The following ZNF704 variants were observed in gnomAD, a reference collection of about 807,000 sequenced individuals.
ZNF704 encodes the protein zinc finger protein 704, also known as glucocorticoid induced gene 1.
A neutral mutation model predicts 44.7 loss-of-function variants in ZNF704; 10 were observed. That is an observed-to-expected ratio of 0.22 (90% confidence interval 0.14 to 0.38). The LOEUF (loss-of-function observed/expected upper bound fraction) is 0.38, where lower values mean the gene tolerates loss of function less well. Among genes scored for constraint, ZNF704 ranks in the 10% least tolerant of loss-of-function variants. The probability of loss-of-function intolerance (pLI) is 1.00; values close to 1 mark genes in which losing one functional copy is unlikely to be tolerated. For synonymous variants in ZNF704, 211 were observed against 207.6 expected (o/e 1.02, Z -0.14); for missense variants, 390 against 545.5 (o/e 0.71, Z 2.84).
chr8:80,719,415 T>A (rs764021095), intron 2 of ZNF704, among the ~76,000 whole-genome samples: 82 of 152,324 alleles, frequency 5.4e-4, no homozygotes, highest in Admixed American at 1.1e-3. Flanking sequence ...CAAACTTCCA[T>A]GAAATGCTTC....
intron 1 of ZNF704, among the ~76,000 whole-genome samples, chr8:80,863,925 T>C (rs779388331): frequency 2.6e-5 from 4 of 152,220 alleles, no homozygotes; most frequent in Non-Finnish European, 4.4e-5. Flanking sequence ...AAACACCTTG[T>C]GAATTTCTTC....
At chr8:80,830,808 A>AGT (rs1808459711) in intron 1 of ZNF704, among the ~76,000 whole-genome samples, 1 of 129,002 alleles carries the variant, frequency 7.8e-6, no homozygotes, top group Admixed American at 9.3e-5. Flanking sequence ...ACCAGGCTGG[A>AGT]GTGCAGTGGC....
chr8:80,842,466 C>A (rs7827991), intron 1 of ZNF704, among the ~76,000 whole-genome samples: 17,245 of 151,998 alleles, frequency 0.11, 1,399 homozygotes, highest in African/African-American at 0.23. Flanking sequence ...ACATGGGCCC[C>A]CTGTGTAAAA....
intron 2 of ZNF704, among the ~76,000 whole-genome samples, chr8:80,730,421 C>T (rs1426150627): frequency 6.6e-6 from 1 of 151,698 alleles, no homozygotes; most frequent in Non-Finnish European, 1.5e-5. Context: ...TGCCTGTAGT[C>T]CCAGCTACTA....
At position 80,641,571 on chromosome 8, in the gene ZNF704, A is replaced by G. The variant is rs114606867; in HGVS notation, c.1128-94T>C. 499 of 286,508 alleles carry G rather than the reference A, an allele frequency of 1.7e-3. 1 individual carries two copies. In the African/African-American group the frequency reaches 0.02, roughly 11 times the overall value. The allele number at this position is 286,508 out of a possible 1,614,324, so 17.7% of individuals were successfully genotyped here. Reference sequence around the variant, plus strand: ...AATCCCTTGCAAGAGTGAGGGAGGAAAAAAAAAAAAAAAAGGCTGGCCATG... The same window carrying G: ...AATCCCTTGCAAGAGTGAGGGAGGAGAAAAAAAAAAAAAAGGCTGGCCATG... On this transcript the variant is annotated intron_variant, in intron 8 of 8. Transcript: ENST00000327835.
intron 2 of ZNF704, among the ~76,000 whole-genome samples, chr8:80,742,151 G>A (rs974411300): frequency 5.3e-5 from 8 of 152,096 alleles, no homozygotes; most frequent in Non-Finnish European, 7.4e-5. Context: ...AGAAAGGAAA[G>A]GAAAGGGAAA....
chr8:80,699,403 G>T lies in ZNF704; in HGVS notation c.222-6296C>A, dbSNP rs1359311296. On this transcript the variant is annotated intron_variant, in intron 2 of 8. Transcript: ENST00000327835. ...GTATTCATCAAAATTGATGGAAAAA[G>T]AAAAAAAAATCAAAGGGAAGATTAG... Among the ~76,000 whole-genome samples, 3 of 150,674 alleles carry T rather than the reference G, an allele frequency of 2.0e-5. No homozygotes were observed. In the East Asian group the frequency reaches 5.8e-4, roughly 29 times the overall value.
At chr8:80,655,387 AG>A (rs1817998916) in intron 7 of ZNF704, among the ~76,000 whole-genome samples, 1 of 151,948 alleles carries the variant, frequency 6.6e-6, no homozygotes, top group Non-Finnish European at 1.5e-5. Flanking sequence ...AAAAAAAAAA[AG>A]AATTTTAAAT....
At chr8:80,768,436 T>C (rs1205236581) in intron 2 of ZNF704, among the ~76,000 whole-genome samples, 1 of 152,152 alleles carries the variant, frequency 6.6e-6, no homozygotes, top group Non-Finnish European at 1.5e-5. Flanking sequence ...CCTTTCTCAG[T>C]GCTCCACATG....
intron 2 of ZNF704, among the ~76,000 whole-genome samples, chr8:80,700,393 A>T (rs1260823959): frequency 1.3e-5 from 2 of 152,198 alleles, no homozygotes; most frequent in Non-Finnish European, 2.9e-5. Context: ...TTGCAGCTTC[A>T]CAAAACTTCA....
Position 80,640,743 on chromosome 8 carries a change from C to T in ZNF704, c.*623G>A, listed in dbSNP as rs1226314264. The T allele has an allele frequency of 6.6e-6, 1 of 152,166 alleles. No individual in the cohort carries two copies. The highest frequency in any genetic ancestry group is 1.5e-5 in the Non-Finnish European group (1 of 68,042). 9.4% of individuals were successfully genotyped at this position (152,166 alleles called of 1,614,324 possible). A position where few individuals can be genotyped will look rare whatever the true frequency, so the allele number is the denominator to read the frequency against. On this transcript the variant is annotated 3_prime_UTR_variant, in exon 9 of 9. Coordinates refer to ENST00000327835, the MANE Select transcript of ZNF704 (RefSeq NM_001033723.3). ...TCTCGAGTTTATGCCATCTGGGGCCCTACAAACTAATAGCTCTACCATGGT... is the reference window on the plus strand; with the variant it reads ...TCTCGAGTTTATGCCATCTGGGGCCTTACAAACTAATAGCTCTACCATGGT...
chr8:80,737,296 G>A (rs1019222705), intron 2 of ZNF704, among the ~76,000 whole-genome samples: 1 of 152,196 alleles, frequency 6.6e-6, no homozygotes, highest in Non-Finnish European at 1.5e-5. Context: ...CAAGCGATGA[G>A]CCAGGACTGC....
intron 1 of ZNF704, among the ~76,000 whole-genome samples, chr8:80,826,728 A>G (rs1586056837): frequency 6.6e-6 from 1 of 152,244 alleles, no homozygotes; most frequent in East Asian, 1.9e-4. Context: ...TATCCACCAC[A>G]AGCAAGTTGG....
intron 2 of ZNF704, among the ~76,000 whole-genome samples, chr8:80,763,337 T>C (rs756765369): frequency 5.9e-5 from 9 of 152,210 alleles, no homozygotes; most frequent in Non-Finnish European, 1.2e-4. Context: ...CATCCAGGTG[T>C]TTTCATACAT....
chr8:80,782,810 C>A (rs529574442), intron 2 of ZNF704, among the ~76,000 whole-genome samples: 1 of 152,058 alleles, frequency 6.6e-6, no homozygotes, highest in African/African-American at 2.4e-5. Flanking sequence ...TCAAGGATAC[C>A]AAAATCCTCA....
chr8:80,734,645 G>A (rs1585989499), intron 2 of ZNF704, among the ~76,000 whole-genome samples: 1 of 152,300 alleles, frequency 6.6e-6, no homozygotes, highest in East Asian at 1.9e-4. Context: ...TACAGTTTGA[G>A]TTTATCAACA....
intron 4 of ZNF704, among the ~76,000 whole-genome samples, chr8:80,676,317 G>A (rs1818365192): frequency 6.6e-6 from 1 of 152,228 alleles, no homozygotes; most frequent in African/African-American, 2.4e-5. Flanking sequence ...ATGCTGATGG[G>A]AGTGACTGCA....
At chr8:80,785,307 T>C (rs1190811506) in intron 2 of ZNF704, among the ~76,000 whole-genome samples, 1 of 152,230 alleles carries the variant, frequency 6.6e-6, no homozygotes, top group Non-Finnish European at 1.5e-5. Context: ...TAAAGCATTA[T>C]TTCCATCACA....
At chr8:80,838,917 G>A (rs1277436084) in intron 1 of ZNF704, among the ~76,000 whole-genome samples, 1 of 152,170 alleles carries the variant, frequency 6.6e-6, no homozygotes, top group Non-Finnish European at 1.5e-5. Flanking sequence ...ACCCTGGAGA[G>A]AAACAGAAAC....
Sources: gnomAD v4.1 joint callset for allele counts (sites outside exome capture counted in the v4.1 genomes callset) on GRCh38, gnomAD v4.1.1 for gene constraint, MANE v1.5 for transcripts, NCBI Gene and HGNC (gene_info 2026-07-23, HGNC 2026-07-21) for gene names.